The following PCDH11X variants were observed in gnomAD, a reference collection of about 807,000 sequenced individuals.
The protein encoded by PCDH11X is protocadherin 11 X-linked.
In PCDH11X, 18 loss-of-function variants were observed where a neutral mutation model predicts 53.3. That is an observed-to-expected ratio of 0.34 (90% CI 0.23 to 0.50). PCDH11X has a LOEUF of 0.50. Ranked by LOEUF, PCDH11X falls within the 20% of genes least tolerant of loss-of-function variation. The pLI is 0.98. For synonymous variants in PCDH11X, 279 were observed against 393.3 expected, an observed-to-expected ratio of 0.71 and a Z score of 3.44; for missense variants, 570 against 1,032.4, an observed-to-expected ratio of 0.55 and a Z score of 6.14.
intron 6 of PCDH11X, among the ~76,000 whole-genome samples, chrX:92,140,781 T>C (rs1170348725): frequency 2.7e-5 from 3 of 111,459 alleles, no homozygotes; most frequent in Admixed American, 9.6e-5. Context: ...GCTCAAAAAA[T>C]GTTTATTTAG....
Position 92,553,841 on chromosome X carries a change from T to C in PCDH11X, c.3368-64423T>C, listed in dbSNP as rs367639374. On this transcript the variant is annotated intron_variant, in intron 10 of 10. Transcript: ENST00000682573. ...CTTTCTTAATTTCTGGAGTTCTAGATAAACTTTCAAAACCACCCACTGCGT... is the reference window on the plus strand; with the variant it reads ...CTTTCTTAATTTCTGGAGTTCTAGACAAACTTTCAAAACCACCCACTGCGT... Among the ~76,000 whole-genome samples the C allele has an allele frequency of 1.7e-4, 19 of 110,681 alleles. No homozygotes were observed. The East Asian group carries it at 4.9e-3, about 28-fold the overall frequency.
chrX:92,246,681 C>T (rs1055110957), intron 7 of PCDH11X, among the ~76,000 whole-genome samples: 3 of 110,962 alleles, frequency 2.7e-5, no homozygotes, highest in Non-Finnish European at 3.8e-5. Context: ...TACTTACAGT[C>T]GATGTGATTT....
At chrX:92,098,032 G>T (rs1158381473) in intron 6 of PCDH11X, among the ~76,000 whole-genome samples, 1 of 110,388 alleles carries the variant, frequency 9.1e-6, no homozygotes, top group African/African-American at 3.3e-5. Context: ...CAAGAATGTG[G>T]AACCCGTGGA....
At chrX:92,473,532 T>C (rs989886650) in intron 10 of PCDH11X, among the ~76,000 whole-genome samples, 23 of 111,551 alleles carry the variant, frequency 2.1e-4, no homozygotes, top group African/African-American at 5.9e-4. Context: ...TTAAGATGCG[T>C]CGTTAGGTTG....
chrX:92,612,046 A>C (rs1927450580), intron 10 of PCDH11X, among the ~76,000 whole-genome samples: 1 of 108,238 alleles, frequency 9.2e-6, no homozygotes, highest in Admixed American at 1.0e-4. Context: ...TTGGCCTATA[A>C]TTTTCATTTT....
At chrX:92,265,743 G>A (rs1194865308) in intron 8 of PCDH11X, among the ~76,000 whole-genome samples, 2 of 111,377 alleles carry the variant, frequency 1.8e-5, no homozygotes, top group African/African-American at 3.3e-5. Context: ...GAGCTCACAA[G>A]TAGAAGAGCC....
At chrX:92,552,994 CGTGTGT>C (rs57655496) in intron 10 of PCDH11X, among the ~76,000 whole-genome samples, 97 of 88,901 alleles carry the variant, frequency 1.1e-3, no homozygotes, top group African/African-American at 3.3e-3. Flanking sequence ...CTGCAATTTT[CGTGTGT>C]GTGTGTGTGT....
chrX:91,961,663 G>C (rs1383522167), intron 6 of PCDH11X, among the ~76,000 whole-genome samples: 2 of 107,542 alleles, frequency 1.9e-5, no homozygotes, highest in African/African-American at 3.4e-5. Flanking sequence ...CACTAACAAT[G>C]AACTCTCAAA....
chrX:91,919,110 A>T (rs940856461), intron 6 of PCDH11X, among the ~76,000 whole-genome samples: 7 of 111,832 alleles, frequency 6.3e-5, no homozygotes, highest in African/African-American at 2.3e-4. Flanking sequence ...TGCAGATGAG[A>T]ACTACTCAGG....
rs1301396708 is a variant in PCDH11X, at chrX:92,537,569, A to G, written c.3367+69247A>G. ...TTAGCCAAAGCTGTCCTGAGCAAAA[A>G]GGAACAAAACTGGAGGAATCACCTT... On this transcript the variant is annotated intron_variant, in intron 10 of 10. Coordinates refer to ENST00000682573, the MANE Select transcript of PCDH11X (RefSeq NM_032968.5). 2.9e-4 allele frequency among the ~76,000 whole-genome samples: 31 copies of G among 108,552 alleles called. No homozygotes were observed. The Admixed American group carries it at 3.1e-3, about 11-fold the overall frequency. The allele number at this position is 108,552 out of a possible 115,157, so 94.3% of individuals were successfully genotyped here.
chrX:92,617,777 C>T (rs1351582735), intron 10 of PCDH11X, among the ~76,000 whole-genome samples: 3 of 110,722 alleles, frequency 2.7e-5, no homozygotes, highest in Non-Finnish European at 5.7e-5. Flanking sequence ...ATATTTTATT[C>T]TTGAAACTAA....
chrX:92,461,673 A>G (rs1484324846), intron 9 of PCDH11X, among the ~76,000 whole-genome samples: 2 of 111,680 alleles, frequency 1.8e-5, no homozygotes, highest in Non-Finnish European at 3.8e-5. Context: ...CCAATGCCCC[A>G]GAGGCACAAG....
chrX:91,977,557 T>C (rs1205027879), intron 6 of PCDH11X, among the ~76,000 whole-genome samples: 1 of 111,413 alleles, frequency 9.0e-6, no homozygotes, highest in Non-Finnish European at 1.9e-5. Context: ...AATGAGCACA[T>C]GTTAAGCATT....
chrX:92,112,426 T>C lies in PCDH11X; in HGVS notation c.3034-88949T>C, dbSNP rs1225303096. 4.5e-5 allele frequency among the ~76,000 whole-genome samples: 5 copies of C among 110,838 alleles called. No homozygotes were observed. The East Asian group carries it at 8.5e-4, about 19-fold the overall frequency. On this transcript the variant is annotated intron_variant, in intron 6 of 10. Coordinates refer to ENST00000682573, the MANE Select transcript of PCDH11X (RefSeq NM_032968.5). ...CCCAAAGAATTCCTGAAATGTTTGG[T>C]ATTTTGATATTTTCTCTTAATGGAA...
chrX:92,350,074 A>G (rs1473734993), intron 8 of PCDH11X, among the ~76,000 whole-genome samples: 1 of 110,687 alleles, frequency 9.0e-6, no homozygotes, highest in Non-Finnish European at 1.9e-5. Context: ...TATACACTGA[A>G]GTTGTGATTG....
intron 6 of PCDH11X, among the ~76,000 whole-genome samples, chrX:92,137,551 A>G: frequency 9.0e-6 from 1 of 111,671 alleles, no homozygotes; most frequent in Non-Finnish European, 1.9e-5. Context: ...ATCACATACC[A>G]TACAATTGAC....
At chrX:92,445,192 C>CTTTTTT (rs778466088) in intron 9 of PCDH11X, among the ~76,000 whole-genome samples, 549 of 16,356 alleles carry the variant, frequency 0.034, 3 homozygotes, top group Non-Finnish European at 0.046. Context: ...TGGTCCAGGG[C>CTTTTTT]TTTTTTTTTT....
intron 10 of PCDH11X, among the ~76,000 whole-genome samples, chrX:92,555,050 G>C (rs949176094): frequency 9.0e-6 from 1 of 111,627 alleles, no homozygotes; most frequent in Non-Finnish European, 1.9e-5. Context: ...GTTTCGCGAC[G>C]TATATTTTTG....
intron 6 of PCDH11X, among the ~76,000 whole-genome samples, chrX:92,100,364 G>A (rs1365315393): frequency 9.0e-6 from 1 of 110,606 alleles, no homozygotes; most frequent in Non-Finnish European, 1.9e-5. Flanking sequence ...TAAGGGTGGG[G>A]CCGTTTGATA....
Sources: gnomAD v4.1 joint callset for allele counts (sites outside exome capture counted in the v4.1 genomes callset) on GRCh38, gnomAD v4.1.1 for gene constraint, MANE v1.5 for transcripts, NCBI Gene and HGNC (gene_info 2026-07-23, HGNC 2026-07-21) for gene names.